The following SYP variants were observed in gnomAD, a reference collection of about 807,000 sequenced individuals.
The protein encoded by SYP is synaptophysin, also known as major synaptic vesicle protein P38.
SYP carries 2 observed loss-of-function variants against 24.3 expected under a neutral mutation model. The ratio of observed to expected loss-of-function variants is 0.08; its 90% CI spans 0.03 to 0.26. The LOEUF (loss-of-function observed/expected upper bound fraction) is 0.26, where lower values mean the gene tolerates loss of function less well. Ranked by LOEUF, SYP falls within the 10% of genes least tolerant of loss-of-function variation. SYP has a pLI of 1.00. For missense variants in SYP, 216 were observed against 266.3 expected, an observed-to-expected ratio of 0.81 and a Z score of 1.32; for synonymous variants, 143 against 123.2, an observed-to-expected ratio of 1.16 and a Z score of -1.07.
intron 5 of SYP, 49 bp downstream of exon 5, chrX:49,193,223 A>G: frequency 1.7e-6 from 2 of 1,182,337 alleles, no homozygotes; most frequent in Non-Finnish European, 2.3e-6. Flanking sequence ...CCCATGCCGG[A>G]CTGTACTGTT....
At chrX:49,199,576 C>G (rs1459028770) in intron 1 of SYP, among the ~76,000 whole-genome samples, 1 of 91,501 alleles carries the variant, frequency 1.1e-5, no homozygotes, top group African/African-American at 4.3e-5. Context: ...CGGAGAGGGT[C>G]TGGACTGATT....
At chrX:49,193,176 C>T in intron 5 of SYP, 96 bp downstream of exon 5, 2 of 1,033,093 alleles carry the variant, frequency 1.9e-6, no homozygotes, top group Non-Finnish European at 2.7e-6. Flanking sequence ...CCTTGGATCT[C>T]CCCTGACTCT....
At chrX:49,193,494 C>G (rs782440154) in intron 4 of SYP, 31 bp from the exon 5 acceptor site, 11 of 1,204,230 alleles carry the variant, frequency 9.1e-6, no homozygotes, top group Non-Finnish European at 1.2e-5. Flanking sequence ...GAAGACAGCA[C>G]TGTGAGTGGA....
rs782484176 is a variant in SYP, at chrX:49,191,676, C to A, written c.703G>T (p.Ala235Ser). The A allele has an allele frequency of 8.3e-7, 1 of 1,205,792 alleles. No homozygotes were observed. Among genetic ancestry groups the A allele is most frequent in the Non-Finnish European group, 1.1e-6 (1 of 892,618 alleles). The change falls in exon 6 of 7, where the codon GCG (alanine) becomes TCG (serine). Residue 235 changes from alanine to serine, a missense_variant. Transcript: ENST00000263233. The part of the protein sequence containing the change: ...ETGWAAPFLR[A>S]PPGAPEKQPA... ...TGTTTCTCGGGGGCGCCGGGAGGCG[C>A]GCGCAGGAACGGGGCGGCCCAGCCT...
Position 49,200,134 on chromosome X carries a change from G to T in SYP, c.36+17C>A. ...CCGGGCGGCGGCGGGCTCTGTCCACGGTGCTGGAGCGCGTACCTGATTCAC... is the reference window on the plus strand; with the variant it reads ...CCGGGCGGCGGCGGGCTCTGTCCACTGTGCTGGAGCGCGTACCTGATTCAC... On this transcript the variant is annotated intron_variant, in intron 1 of 6. Transcript: ENST00000263233. 1 of 1,165,484 alleles carries T rather than the reference G, an allele frequency of 8.6e-7. No individual in the cohort carries two copies. The highest frequency in any genetic ancestry group is 1.1e-6 in the Non-Finnish European group (1 of 871,938).
chrX:49,191,588 G>T lies in SYP; in HGVS notation c.791C>A (p.Pro264His), dbSNP rs782530398. The change falls in exon 6 of 7, where the codon CCC becomes CAC. Residue 264 changes from proline to histidine, a missense_variant. Pro to His is a moderately conservative substitution (Grantham distance 77). Transcript: ENST00000263233. ...GYGQGPGGYGPQDSYGPQGGY... is the reference protein window; with the variant it reads ...GYGQGPGGYGHQDSYGPQGGY... Reference sequence around the variant, plus strand: ...GCCCTGAGGCCCGTAGGAATCCTGGGGCCCGTACCCGCCGGGGCCCTGCCC... The same window carrying T: ...GCCCTGAGGCCCGTAGGAATCCTGGTGCCCGTACCCGCCGGGGCCCTGCCC... The T allele has an allele frequency of 1.7e-6, 2 of 1,210,078 alleles. No individual in the cohort carries two copies. The highest frequency in any genetic ancestry group is 4.3e-5 in the Admixed American group (2 of 46,073).
At chrX:49,199,309 C>T (rs1318153121) in intron 1 of SYP, 23 of 292,782 alleles carry the variant, frequency 7.9e-5, no homozygotes, top group Non-Finnish European at 1.3e-4. Context: ...AGGTTTGAAA[C>T]GTAAAGGCGA....
chrX:49,199,858 C>G (rs782656380), intron 1 of SYP, among the ~76,000 whole-genome samples: 1 of 110,374 alleles, frequency 9.1e-6, no homozygotes, highest in Admixed American at 9.5e-5. Context: ...CCCTTGCCCT[C>G]ACTCCAGCCC....
Position 49,192,413 on chromosome X carries a change from G to C in SYP, c.616-650C>G, listed in dbSNP as rs781878425. ...TCTCCATGTTGGTCAGGCTGGTCTT[G>C]AACTCCCGACCTCAGGTGATCTGCC... On this transcript the variant is annotated intron_variant, in intron 5 of 6. Coordinates refer to ENST00000263233, the MANE Select transcript of SYP (RefSeq NM_003179.3). Among the ~76,000 whole-genome samples, 10 of 112,297 alleles carry C rather than the reference G, an allele frequency of 8.9e-5. No individual in the cohort carries two copies. The South Asian group carries it at 2.6e-3, about 29-fold the overall frequency.
chrX:49,194,016 T>C (rs2065519814), intron 4 of SYP, 150 bp downstream of exon 4: 4 of 639,801 alleles, frequency 6.3e-6, no homozygotes, highest in Non-Finnish European at 9.9e-6. Flanking sequence ...CTGGTGTGGA[T>C]TAATAGCAGC....
At chrX:49,190,996 GC>G (rs1270400080) in intron 6 of SYP, 8 of 155,221 alleles carry the variant, frequency 5.2e-5, no homozygotes, top group South Asian at 1.2e-4. Flanking sequence ...CAAGATCCAC[GC>G]CCATTTACCC....
chrX:49,193,485 A>G (rs201623333), intron 4 of SYP, 22 bp from the exon 5 acceptor site: 4 of 1,208,009 alleles, frequency 3.3e-6, no homozygotes, highest in Non-Finnish European at 3.4e-6. Flanking sequence ...AGGGGTGAGG[A>G]AGACAGCACT....
At chrX:49,198,859 C>G (rs916699532) in intron 2 of SYP, 109 bp downstream of exon 2, 4 of 907,882 alleles carry the variant, frequency 4.4e-6, no homozygotes, top group Non-Finnish European at 6.3e-6. Context: ...TCCCCTACAA[C>G]CCCCGCACTC....
chrX:49,198,038 C>G (rs963908011), intron 2 of SYP, 199 bp from the exon 3 acceptor site: 2 of 480,044 alleles, frequency 4.2e-6, no homozygotes, highest in South Asian at 6.5e-5. Context: ...GTTTCTCTCT[C>G]TGTGTCTCTC....
At chrX:49,199,108 A>G (rs890802033) in intron 1 of SYP, 75 bp from the exon 2 acceptor site, 44 of 1,018,820 alleles carry the variant, frequency 4.3e-5, no homozygotes, top group Admixed American at 1.7e-4. Flanking sequence ...CTGCCCATCA[A>G]TGACCCCAGG....
intron 3 of SYP, among the ~76,000 whole-genome samples, chrX:49,195,086 T>G (rs1863813513): frequency 9.0e-6 from 1 of 111,340 alleles, no homozygotes; most frequent in African/African-American, 3.3e-5. Context: ...AAAATTAAAT[T>G]GAAACATTCT....
chrX:49,193,103 A>G (rs1279258121), intron 5 of SYP, among the ~76,000 whole-genome samples, 169 bp downstream of exon 5: 2 of 112,396 alleles, frequency 1.8e-5, no homozygotes, highest in Admixed American at 9.4e-5. Flanking sequence ...GTGGTGTCAC[A>G]GTGGTTACAA....
chrX:49,198,945 C>G, intron 2 of SYP, 23 bp downstream of exon 2: 9 of 1,210,542 alleles, frequency 7.4e-6, no homozygotes, highest in Non-Finnish European at 1.0e-5. Flanking sequence ...GCACTCTGCC[C>G]CAACAGCCCG....
At chrX:49,198,582 G>C (rs782257280) in intron 2 of SYP, 2 of 169,380 alleles carry the variant, frequency 1.2e-5, no homozygotes, top group African/African-American at 3.2e-5. Flanking sequence ...TTTTTTCTCA[G>C]TATTTCCATC....
Sources: allele counts gnomAD v4.1 joint callset (sites outside exome capture counted in the v4.1 genomes callset), GRCh38; gene constraint gnomAD v4.1.1; transcripts MANE v1.5; gene names NCBI Gene and HGNC (gene_info 2026-07-23, HGNC 2026-07-21).